The following ACADM variants were observed in gnomAD, a reference collection of about 807,000 sequenced individuals.
ACADM encodes the protein acyl-CoA dehydrogenase medium chain.
A neutral mutation model predicts 58.9 loss-of-function variants in ACADM; 49 were observed. The ratio of observed to expected loss-of-function variants is 0.83; its 90% confidence interval spans 0.66 to 1.06. The LOEUF (loss-of-function observed/expected upper bound fraction) is 1.06. Ranked by LOEUF, ACADM falls within the 50% of genes least tolerant of loss-of-function variation. The pLI, the probability that ACADM is intolerant of heterozygous loss-of-function variation, is 0.00. For missense variants in ACADM, 496 were observed against 507.0 expected (o/e 0.98, Z 0.21); for synonymous variants, 160 against 157.7 (o/e 1.01, Z -0.11).
At chr1:75,736,577 T>A (rs1478533445) in intron 6 of ACADM, among the ~76,000 whole-genome samples, 1 of 152,164 alleles carries the variant, frequency 6.6e-6, no homozygotes, top group Non-Finnish European at 1.5e-5. Flanking sequence ...AGGGAATAGT[T>A]TAGGACAGGT....
intron 1 of ACADM, among the ~76,000 whole-genome samples, chr1:75,726,381 GTCCC>G (rs1207658245): frequency 4.0e-5 from 2 of 50,574 alleles, no homozygotes; most frequent in African/African-American, 7.6e-5. Flanking sequence ...AAAAAAAAAA[GTCCC>G]TCAGTAGACC....
intron 1 of ACADM, 61 bp downstream of exon 1, chr1:75,724,878 G>C (rs1647023035): frequency 2.2e-6 from 3 of 1,370,734 alleles, no homozygotes; most frequent in East Asian, 5.6e-5. Context: ...GTCGGAGCAG[G>C]GGGCCCTGGG....
chr1:75,754,741 G>A lies in ACADM; in HGVS notation c.945+4195G>A, dbSNP rs939891510. 3.9e-5 allele frequency among the ~76,000 whole-genome samples: 6 copies of A among 152,212 alleles called. No homozygotes were observed. The South Asian group carries it at 6.2e-4, about 16-fold the overall frequency. The stretch of plus-strand genomic sequence containing the variant: ...TTTCTGCATTTCCAGCTGAGGTACC[G>A]GGTTCATCTCACTGGGATTTGTCGT... On this transcript the variant is annotated intron_variant, in intron 10 of 11. Coordinates refer to ENST00000370841, the MANE Select transcript of ACADM (RefSeq NM_000016.6).
chr1:75,757,722 T>C (rs1042427017), intron 10 of ACADM, among the ~76,000 whole-genome samples: 6 of 152,178 alleles, frequency 3.9e-5, no homozygotes, highest in African/African-American at 1.4e-4. Flanking sequence ...ACCCAAAGGA[T>C]TATAAATCAT....
chr1:75,750,680 T>A (rs1480297113), intron 10 of ACADM, 134 bp downstream of exon 10: 11 of 734,364 alleles, frequency 1.5e-5, no homozygotes, highest in Non-Finnish European at 2.2e-5. Flanking sequence ...TTTATCAAGA[T>A]GAGTTTCAAA....
chr1:75,737,939 CGGA>C (rs1647358715), intron 6 of ACADM, among the ~76,000 whole-genome samples: 1 of 152,004 alleles, frequency 6.6e-6, no homozygotes, highest in African/African-American at 2.4e-5. Context: ...TTTTTTGAGA[CGGA>C]GTCTCGCTCT....
chr1:75,736,173 TACACACACACACAC>T (rs10647103), intron 6 of ACADM, among the ~76,000 whole-genome samples: 5 of 144,444 alleles, frequency 3.5e-5, no homozygotes, highest in Non-Finnish European at 7.5e-5. Flanking sequence ...CACACAGACA[TACACACACACACAC>T]ACACACACAC....
chr1:75,732,274 T>G (rs1274396403), intron 2 of ACADM, among the ~76,000 whole-genome samples: 2 of 152,224 alleles, frequency 1.3e-5, no homozygotes, highest in East Asian at 3.9e-4. Context: ...GTCAGGGAGA[T>G]GTCTTGTATA....
At chr1:75,746,597 A>AATT (rs201060070) in intron 8 of ACADM, among the ~76,000 whole-genome samples, 1 of 121,790 alleles carries the variant, frequency 8.2e-6, no homozygotes, top group African/African-American at 3.2e-5. Flanking sequence ...TCAATAAAGT[A>AATT]ATTTTTTTTT....
At chr1:75,755,360 G>A (rs1005717064) in intron 10 of ACADM, among the ~76,000 whole-genome samples, 1 of 152,210 alleles carries the variant, frequency 6.6e-6, no homozygotes, top group Admixed American at 6.5e-5. Flanking sequence ...AGACCTCCCA[G>A]TAGGGGCCGA....
chr1:75,755,302 A>T (rs1648438102), intron 10 of ACADM, among the ~76,000 whole-genome samples: 1 of 152,230 alleles, frequency 6.6e-6, no homozygotes, highest in Non-Finnish European at 1.5e-5. Flanking sequence ...GAACAGACAG[A>T]CTGCCTCCTC....
At chr1:75,741,436 T>C (rs1647561918) in intron 7 of ACADM, among the ~76,000 whole-genome samples, 1 of 152,130 alleles carries the variant, frequency 6.6e-6, no homozygotes, top group African/African-American at 2.4e-5. Flanking sequence ...TTGAGAGAAA[T>C]CTAACAATGC....
intron 10 of ACADM, among the ~76,000 whole-genome samples, chr1:75,757,723 T>G (rs1213888415): frequency 1.3e-5 from 2 of 152,208 alleles, no homozygotes; most frequent in Non-Finnish European, 2.9e-5. Flanking sequence ...CCCAAAGGAT[T>G]ATAAATCATG....
Position 75,745,789 on chromosome 1 carries a change from G to C in ACADM, c.600-17G>C. ...TTGCCGATATTATCACCATTATCCG[G>C]TATGTGTATCTCTTAGGTATTTTTT... On this transcript the variant is annotated splice_polypyrimidine_tract_variant and intron_variant, in intron 7 of 11. Coordinates refer to ENST00000370841, the MANE Select transcript of ACADM (RefSeq NM_000016.6). 1 of 1,549,840 alleles carries C rather than the reference G, an allele frequency of 6.5e-7. No individual in the cohort carries two copies. The highest frequency in any genetic ancestry group is 8.9e-7 in the Non-Finnish European group (1 of 1,121,528).
chr1:75,747,646 T>C (rs1647972020), intron 8 of ACADM, among the ~76,000 whole-genome samples: 1 of 152,074 alleles, frequency 6.6e-6, no homozygotes, highest in South Asian at 2.1e-4. Context: ...AATTAGCCAG[T>C]GGCAGTGGCG....
rs1301685461 is a variant in ACADM at position 75,763,040 on chromosome 1, A to G, written c.*277A>G. 1 of 217,166 alleles carries G rather than the reference A, an allele frequency of 4.6e-6. No homozygotes were observed. The highest frequency in any genetic ancestry group is 9.1e-6 in the Non-Finnish European group (1 of 109,456). 13.5% of individuals were successfully genotyped at this position (217,166 alleles called of 1,614,324 possible). On this transcript the variant is annotated 3_prime_UTR_variant, in exon 12 of 12. Transcript: ENST00000370841. ...TAGGTTATTTTGATCTCTTAAGATT[A>G]ATGTAGCAGAAATTTCTTGGAATTT...
chr1:75,749,593 C>A, intron 9 of ACADM, 34 bp downstream of exon 9: 7 of 1,576,614 alleles, frequency 4.4e-6, no homozygotes, highest in Non-Finnish European at 6.1e-6. Flanking sequence ...TTTATAGGAT[C>A]TTTTATTTAT....
chr1:75,744,236 G>T (rs1647754959), intron 7 of ACADM: 5 of 1,590,320 alleles, frequency 3.1e-6, no homozygotes, highest in East Asian at 4.5e-5. Flanking sequence ...CATCGAGTGG[G>T]TATGGGTGCT....
chr1:75,753,795 C>CTTTTTTTTT lies in ACADM; in HGVS notation c.945+3260_945+3268dup, dbSNP rs71071962. Among the ~76,000 whole-genome samples the CTTTTTTTTT allele has an allele frequency of 4.6e-4, 38 of 81,932 alleles. 5 individuals carry two copies. The highest frequency in any genetic ancestry group is 8.4e-4 in the Admixed American group (6 of 7,154). The allele number at this position is 81,932 out of a possible 152,430, so 53.8% of individuals were successfully genotyped here. A position where few individuals can be genotyped will look rare whatever the true frequency, so the allele number is the denominator to read the frequency against. On this transcript the variant is annotated intron_variant, in intron 10 of 11. Transcript: ENST00000370841. ...GCACTCTGCAAAATGCTGATAGCTT[C>CTTTTTTTTT]TTTTTTTTTTTTTTTTTTTGAGACA... is the stretch of plus-strand genomic sequence containing the variant.
Sources: gnomAD v4.1 joint callset for allele counts (sites outside exome capture counted in the v4.1 genomes callset) on GRCh38, gnomAD v4.1.1 for gene constraint, MANE v1.5 for transcripts, NCBI Gene and HGNC (gene_info 2026-07-23, HGNC 2026-07-21) for gene names.